The following PCDH15 variants were observed in gnomAD, a reference collection of about 807,000 sequenced individuals.
PCDH15 encodes the protein protocadherin-15.
In PCDH15, 129 loss-of-function variants were observed where a neutral mutation model predicts 178.5. That is an observed-to-expected ratio of 0.72 (90% CI 0.63 to 0.84). PCDH15 has a LOEUF of 0.84. PCDH15 is among the 40% of genes least tolerant of loss of function. The pLI is 0.00. For synonymous variants in PCDH15, 800 were observed against 732.0 expected (o/e 1.09, Z -1.50); for missense variants, 2,230 against 2,099.9 (o/e 1.06, Z -1.21).
chr10:54,517,336 C>A (rs536148285), intron 3 of PCDH15, among the ~76,000 whole-genome samples: 3 of 151,644 alleles, frequency 2.0e-5, no homozygotes, highest in Admixed American at 2.0e-4. Context: ...CAGAGACACA[C>A]ATAGGCTCAA....
chr10:54,499,452 G>A (rs1480686608), intron 3 of PCDH15, among the ~76,000 whole-genome samples: 2 of 151,938 alleles, frequency 1.3e-5, no homozygotes, highest in Non-Finnish European at 2.9e-5. Context: ...TTCAAAAAAA[G>A]CAAAATTATA....
At chr10:53,824,830 A>ATAGAT (rs900491339) in intron 32 of PCDH15, among the ~76,000 whole-genome samples, 2 of 152,204 alleles carry the variant, frequency 1.3e-5, no homozygotes, top group Non-Finnish European at 2.9e-5. Context: ...GTTTCTATTT[A>ATAGAT]TAGATTTGTA....
intron 2 of PCDH15, among the ~76,000 whole-genome samples, chr10:55,025,208 G>A (rs1165332881): frequency 6.6e-6 from 1 of 152,158 alleles, no homozygotes; most frequent in Non-Finnish European, 1.5e-5. Context: ...AACAAAGAAA[G>A]AGAGATTGAA....
At chr10:54,884,318 G>T (rs1954314279) in intron 3 of PCDH15, among the ~76,000 whole-genome samples, 1 of 65,852 alleles carries the variant, frequency 1.5e-5, no homozygotes, top group African/African-American at 6.6e-5. Context: ...TGCAAAGAGA[G>T]ACACATTAAA....
intron 9 of PCDH15, among the ~76,000 whole-genome samples, chr10:54,231,102 C>A (rs191552114): frequency 6.6e-6 from 1 of 152,182 alleles, no homozygotes; most frequent in East Asian, 1.9e-4. Context: ...TTATGCTTTT[C>A]TTTCAGAGAC....
intron 18 of PCDH15, among the ~76,000 whole-genome samples, chr10:54,023,617 T>C (rs1186532608): frequency 6.7e-6 from 1 of 148,938 alleles, no homozygotes; most frequent in African/African-American, 2.4e-5. Flanking sequence ...TTTATATATG[T>C]TTAGTAATAA....
At chr10:54,785,019 G>A (rs181031128) in intron 1 of PCDH15, among the ~76,000 whole-genome samples, 82 of 151,946 alleles carry the variant, frequency 5.4e-4, no homozygotes, top group Middle Eastern at 6.8e-3. Flanking sequence ...ACCAAGACAG[G>A]AAGTGTGCCT....
chr10:54,418,300 C>T (rs1954750880), intron 3 of PCDH15, among the ~76,000 whole-genome samples: 1 of 151,828 alleles, frequency 6.6e-6, no homozygotes, highest in Non-Finnish European at 1.5e-5. Context: ...ATATTATGTA[C>T]ATATGTGTAT....
chr10:53,854,449 T>G (rs1589107195), intron 28 of PCDH15, among the ~76,000 whole-genome samples: 1 of 152,076 alleles, frequency 6.6e-6, no homozygotes. Context: ...GGCATGTATG[T>G]GCTGCTTAAT....
At chr10:53,859,536 T>G (rs191765085) in intron 27 of PCDH15, among the ~76,000 whole-genome samples, 1 of 152,246 alleles carries the variant, frequency 6.6e-6, no homozygotes, top group Admixed American at 6.5e-5. Flanking sequence ...CTGTTACAGA[T>G]CCGTACTATT....
At chr10:54,363,121 C>T (rs1946307089) in intron 5 of PCDH15, among the ~76,000 whole-genome samples, 1 of 152,034 alleles carries the variant, frequency 6.6e-6, no homozygotes, top group Non-Finnish European at 1.5e-5. Context: ...ACTTATAGTA[C>T]TTCTGTAATG....
At chr10:54,536,358 G>GT (rs1362152933) in intron 2 of PCDH15, among the ~76,000 whole-genome samples, 2 of 149,494 alleles carry the variant, frequency 1.3e-5, no homozygotes, top group Admixed American at 6.7e-5. Context: ...AAATATGTCT[G>GT]TTTTTTAAAA....
intron 26 of PCDH15, among the ~76,000 whole-genome samples, chr10:53,889,536 TAA>T (rs113275569): frequency 6.8e-6 from 1 of 147,158 alleles, no homozygotes; most frequent in African/African-American, 2.5e-5. Context: ...TCACAGTGAC[TAA>T]AAAAAAAAAT....
At chr10:55,205,477 C>T (rs1301705288) in intron 1 of PCDH15, among the ~76,000 whole-genome samples, 1 of 151,896 alleles carries the variant, frequency 6.6e-6, no homozygotes, top group Non-Finnish European at 1.5e-5. Context: ...TTCATATATA[C>T]TTACATATAT....
At chr10:55,513,256 G>T (rs778642586) in intron 2 of PCDH15, 3 of 152,080 alleles carry the variant, frequency 2.0e-5, no homozygotes, top group Non-Finnish European at 2.9e-5. Context: ...TAGTTACCTA[G>T]GTGTATGTAG....
At chr10:53,988,883 T>G (rs1171227283) in intron 21 of PCDH15, among the ~76,000 whole-genome samples, 2 of 152,122 alleles carry the variant, frequency 1.3e-5, no homozygotes, top group African/African-American at 4.8e-5. Context: ...TTAGACAAAT[T>G]TAAGAGTTTA....
At chr10:55,083,719 G>GT (rs1240331912) in intron 2 of PCDH15, among the ~76,000 whole-genome samples, 1 of 151,916 alleles carries the variant, frequency 6.6e-6, no homozygotes, top group African/African-American at 2.4e-5. Context: ...ATTCAGTTAA[G>GT]TTGTAGGGTA....
chr10:55,452,813 T>A (rs1839465183), intron 2 of PCDH15, among the ~76,000 whole-genome samples: 1 of 152,104 alleles, frequency 6.6e-6, no homozygotes, highest in South Asian at 2.1e-4. Flanking sequence ...TACTGAAATA[T>A]AAGTCAAAAA....
chr10:54,965,735 G>T (rs1333835887), intron 2 of PCDH15, among the ~76,000 whole-genome samples: 1 of 150,066 alleles, frequency 6.7e-6, no homozygotes, highest in East Asian at 1.9e-4. Context: ...TTTCCTCACT[G>T]GGGTAATCCT....
Sources: gnomAD v4.1 joint callset for allele counts (sites outside exome capture counted in the v4.1 genomes callset) on GRCh38, gnomAD v4.1.1 for gene constraint, MANE v1.5 for transcripts, NCBI Gene and HGNC (gene_info 2026-07-23, HGNC 2026-07-21) for gene names.